MYOM1: variants seen among roughly 807,000 people sequenced by gnomAD.
MYOM1 encodes the protein myomesin-1.
MYOM1 carries 164 observed loss-of-function variants against 205.3 expected under a neutral mutation model. The observed-to-expected ratio is 0.80, with a 90% CI of 0.70 to 0.91. MYOM1 has a LOEUF of 0.91. Among genes scored for constraint, MYOM1 ranks in the 40% least tolerant of loss-of-function variants. The pLI, the probability that MYOM1 is intolerant of heterozygous loss-of-function variation, is 0.00. For synonymous variants in MYOM1, 772 were observed against 789.4 expected, an observed-to-expected ratio of 0.98 and a Z score of 0.37; for missense variants, 2,011 against 2,127.3, an observed-to-expected ratio of 0.95 and a Z score of 1.08.
chr18:3,243,388 T>C, the MYOM1 span, among the ~76,000 whole-genome samples: 1 of 152,224 alleles, frequency 6.6e-6, no homozygotes, highest in African/African-American at 2.4e-5. Flanking sequence ...AAGTGATCCA[T>C]ATAAAATCAT....
chr18:3,088,246 T>C (rs994480990), intron 29 of MYOM1, among the ~76,000 whole-genome samples: 2 of 151,988 alleles, frequency 1.3e-5, no homozygotes, highest in Non-Finnish European at 2.9e-5. Context: ...TGAAAAAGGA[T>C]AGCTTATAGG....
chr18:3,205,817 C>T (rs1225755534), intron 2 of MYOM1, among the ~76,000 whole-genome samples: 3 of 152,064 alleles, frequency 2.0e-5, no homozygotes, highest in Non-Finnish European at 2.9e-5. Flanking sequence ...GAAATCCTCA[C>T]GGGTTTATTT....
intron 17 of MYOM1, 67 bp from the exon 18 acceptor site, chr18:3,129,586 T>C (rs548391386): frequency 7.6e-5 from 113 of 1,493,898 alleles, no homozygotes; most frequent in African/African-American, 6.2e-4. Context: ...TCTTATAGGA[T>C]AGAACAAAGA....
intron 36 of MYOM1, among the ~76,000 whole-genome samples, chr18:3,075,210 A>G (rs1465596910): frequency 2.6e-5 from 4 of 152,172 alleles, no homozygotes; most frequent in Non-Finnish European, 5.9e-5. Flanking sequence ...GTTTCTCAGG[A>G]TGTCTGGGTT....
chr18:3,229,976 CAAAAAAAAA>C, the MYOM1 span, among the ~76,000 whole-genome samples: 3 of 79,062 alleles, frequency 3.8e-5, no homozygotes, highest in African/African-American at 1.5e-4. Flanking sequence ...AACTCCATCT[CAAAAAAAAA>C]AAAAAAAAAA....
rs372320129 is a variant in MYOM1, at chr18:3,155,938, A to T, written c.1502-850T>A. ...CTGAACACTTAGGAAAAGAACTCCAATGCAATACTCACATCTGAGCTCAGT... is the reference window on the plus strand; with the variant it reads ...CTGAACACTTAGGAAAAGAACTCCATTGCAATACTCACATCTGAGCTCAGT... On this transcript the variant is annotated intron_variant, in intron 10 of 37. Transcript: ENST00000356443. Among the ~76,000 whole-genome samples, 16 of 152,334 alleles carry T rather than the reference A, an allele frequency of 1.1e-4. No individual in the cohort carries two copies. In the East Asian group the frequency reaches 3.1e-3, roughly 29 times the overall value.
chr18:3,187,066 G>C (rs2080828006), intron 5 of MYOM1, among the ~76,000 whole-genome samples: 1 of 152,252 alleles, frequency 6.6e-6, no homozygotes, highest in East Asian at 1.9e-4. Flanking sequence ...TTAGTTAAAG[G>C]GAGTTTTGTA....
Position 3,133,092 on chromosome 18 carries a change from C to T in MYOM1, c.2384+1558G>A, listed in dbSNP as rs181040866. ...GACAAAAGATGAACAAAAAATGGTG[C>T]CTGCCCTCTAGCAGCTCCTGCCTAC... On this transcript the variant is annotated intron_variant, in intron 16 of 37. Coordinates refer to ENST00000356443, the MANE Select transcript of MYOM1 (RefSeq NM_003803.4). Among the ~76,000 whole-genome samples the T allele has an allele frequency of 5.8e-4, 88 of 152,072 alleles. No individual in the cohort carries two copies. In the East Asian group the frequency reaches 0.015, roughly 26 times the overall value.
intron 9 of MYOM1, among the ~76,000 whole-genome samples, chr18:3,165,282 T>G (rs1598737025): frequency 6.6e-6 from 1 of 152,334 alleles, no homozygotes. Flanking sequence ...AAGTGTGAAT[T>G]TATACAGTTT....
intron 2 of MYOM1, among the ~76,000 whole-genome samples, chr18:3,206,932 T>G (rs1382585851): frequency 6.6e-6 from 1 of 152,178 alleles, no homozygotes. Context: ...TTTAATTTTT[T>G]TTGCATTATT....
At chr18:3,225,640 G>A in the MYOM1 span, among the ~76,000 whole-genome samples, 1 of 152,164 alleles carries the variant, frequency 6.6e-6, no homozygotes, top group African/African-American at 2.4e-5. Flanking sequence ...GTGAAGGAGG[G>A]CAGACTCAGT....
At chr18:3,225,534 A>G in the MYOM1 span, among the ~76,000 whole-genome samples, 1 of 152,098 alleles carries the variant, frequency 6.6e-6, no homozygotes, top group Admixed American at 6.5e-5. Flanking sequence ...TGAAGCTCCC[A>G]ATACAGAGGG....
intron 22 of MYOM1, among the ~76,000 whole-genome samples, chr18:3,110,449 C>T (rs367882984): frequency 5.3e-5 from 8 of 152,310 alleles, no homozygotes; most frequent in East Asian, 1.9e-4. Flanking sequence ...CAGTACAAGA[C>T]GACTGGGGTG....
At chr18:3,162,138 T>C (rs2080400132) in intron 10 of MYOM1, among the ~76,000 whole-genome samples, 1 of 152,306 alleles carries the variant, frequency 6.6e-6, no homozygotes, top group East Asian at 1.9e-4. Flanking sequence ...ATTTTCTCTA[T>C]ATTATGATGC....
At chr18:3,235,564 G>C in the MYOM1 span, among the ~76,000 whole-genome samples, 1 of 152,142 alleles carries the variant, frequency 6.6e-6, no homozygotes, top group South Asian at 2.1e-4. Context: ...TTTATATTCT[G>C]CCTTCTAGCA....
intron 36 of MYOM1, among the ~76,000 whole-genome samples, chr18:3,074,833 C>T (rs896400579): frequency 1.3e-5 from 2 of 152,166 alleles, no homozygotes; most frequent in Admixed American, 6.5e-5. Context: ...GTTTTTGAGA[C>T]GGAGTCTTGC....
chr18:3,150,025 C>T (rs1469684381), intron 12 of MYOM1, among the ~76,000 whole-genome samples: 1 of 152,090 alleles, frequency 6.6e-6, no homozygotes, highest in East Asian at 1.9e-4. Context: ...ATCAAGGAGC[C>T]TGATGAGACA....
At chr18:3,150,865 A>G (rs1392715039) in intron 12 of MYOM1, among the ~76,000 whole-genome samples, 1 of 151,182 alleles carries the variant, frequency 6.6e-6, no homozygotes, top group Non-Finnish European at 1.5e-5. Context: ...CCCAGGCTAG[A>G]GTGCAATGGT....
intron 25 of MYOM1, among the ~76,000 whole-genome samples, chr18:3,094,546 T>C (rs1001204997): frequency 6.6e-6 from 1 of 152,228 alleles, no homozygotes; most frequent in African/African-American, 2.4e-5. Flanking sequence ...CTTTGAATCA[T>C]AGTTGTCTCA....
Sources: allele counts gnomAD v4.1 joint callset (sites outside exome capture counted in the v4.1 genomes callset), GRCh38; gene constraint gnomAD v4.1.1; transcripts MANE v1.5; gene names NCBI Gene and HGNC (gene_info 2026-07-23, HGNC 2026-07-21).